Variants in PTPRN2 observed in about 807,000 individuals in gnomAD.
PTPRN2 encodes the protein receptor-type tyrosine-protein phosphatase N2.
In PTPRN2, 74 loss-of-function variants were observed where a neutral mutation model predicts 118.8. The ratio of observed to expected loss-of-function variants is 0.62; its 90% confidence interval spans 0.52 to 0.76. The LOEUF is 0.76. PTPRN2 is among the 30% of genes least tolerant of loss of function. The pLI, the probability that PTPRN2 is intolerant of heterozygous loss-of-function variation, is 0.00. For missense variants in PTPRN2, 1,481 were observed against 1,394.4 expected, an observed-to-expected ratio of 1.06 and a Z score of -0.99; for synonymous variants, 641 against 608.0, an observed-to-expected ratio of 1.05 and a Z score of -0.80.
intron 10 of PTPRN2, among the ~76,000 whole-genome samples, chr7:158,098,248 T>C (rs1814813679): frequency 6.6e-6 from 1 of 152,180 alleles, no homozygotes; most frequent in East Asian, 1.9e-4. Context: ...AGAATCAGGC[T>C]TCAGCTCCGC....
intron 2 of PTPRN2, among the ~76,000 whole-genome samples, chr7:158,356,299 A>G (rs1360336114): frequency 6.6e-6 from 1 of 152,208 alleles, no homozygotes; most frequent in East Asian, 1.9e-4. Flanking sequence ...TTATTTATAA[A>G]GCCCCACTCA....
chr7:157,954,181 G>A (rs1280298240), intron 11 of PTPRN2, among the ~76,000 whole-genome samples: 1 of 84,112 alleles, frequency 1.2e-5, no homozygotes, highest in Non-Finnish European at 2.7e-5. Context: ...TGTGTGGTGT[G>A]TGTGGTACAT....
intron 3 of PTPRN2, among the ~76,000 whole-genome samples, chr7:158,213,206 T>C (rs369615778): frequency 2.6e-4 from 36 of 140,428 alleles, no homozygotes; most frequent in Admixed American, 1.0e-3. Flanking sequence ...GGCTCTGTGC[T>C]TGTGTGTGTG....
intron 3 of PTPRN2, among the ~76,000 whole-genome samples, chr7:158,275,705 G>GT (rs1472418389): frequency 6.6e-6 from 1 of 152,182 alleles, no homozygotes; most frequent in Non-Finnish European, 1.5e-5. Flanking sequence ...TGTGGGGTGG[G>GT]TTTGCCAGGG....
At chr7:158,582,973 CAGT>C (rs1166762355) in intron 1 of PTPRN2, among the ~76,000 whole-genome samples, 1 of 152,070 alleles carries the variant, frequency 6.6e-6, no homozygotes, top group Non-Finnish European at 1.5e-5. Flanking sequence ...CTCCAAGAGG[CAGT>C]AGTCATGGCT....
Position 158,054,803 on chromosome 7 carries a change from G to A in PTPRN2, c.1723+26495C>T, listed in dbSNP as rs539587519. On this transcript the variant is annotated intron_variant, in intron 11 of 22. Coordinates refer to ENST00000389418, the MANE Select transcript of PTPRN2 (RefSeq NM_002847.5). ...GATTGCAGCTGATGTGCCTGGGGGC[G>A]CGGGCACCATTAATTCCTGTATCTT... 1.2e-4 allele frequency among the ~76,000 whole-genome samples: 18 copies of A among 152,372 alleles called. No homozygotes were observed. In the South Asian group the frequency reaches 1.2e-3, roughly 11 times the overall value.
chr7:158,115,110 T>G lies in PTPRN2; in HGVS notation c.1557-4195A>C, dbSNP rs182781958. The stretch of plus-strand genomic sequence containing the variant: ...GGAGTCCAGGAGCTCAAGGCTGCAA[T>G]GAGCTATGATTGCACCTGTGAATAA... On this transcript the variant is annotated intron_variant, in intron 9 of 22. Transcript: ENST00000389418. 3.7e-4 allele frequency among the ~76,000 whole-genome samples: 57 copies of G among 152,236 alleles called. 1 individual carries two copies. Among genetic ancestry groups the G allele is most frequent in the Non-Finnish European group, 8.1e-4 (55 of 68,034 alleles).
intron 12 of PTPRN2, chr7:157,863,613 C>A (rs1012519257): frequency 6.6e-6 from 1 of 152,220 alleles, no homozygotes; most frequent in African/African-American, 2.4e-5. Flanking sequence ...GGTTCACTGG[C>A]CCTGTGATGG....
chr7:158,102,858 G>A (rs1438821699), intron 10 of PTPRN2, among the ~76,000 whole-genome samples: 1 of 152,186 alleles, frequency 6.6e-6, no homozygotes, highest in Non-Finnish European at 1.5e-5. Flanking sequence ...CACGGCTAAT[G>A]TTCTGGGGGC....
chr7:158,317,815 G>C (rs1040084858), intron 2 of PTPRN2, among the ~76,000 whole-genome samples: 2 of 152,334 alleles, frequency 1.3e-5, no homozygotes, highest in East Asian at 3.9e-4. Flanking sequence ...GTAATTAGCA[G>C]AAACACATTT....
rs1047826928 is a variant in PTPRN2, at chr7:157,874,715, GCA to G, written c.1788+23956_1788+23957del. On this transcript the variant is annotated intron_variant, in intron 12 of 22. Transcript: ENST00000389418. This position sits in a 1 kb window ranked among gnomAD's most constrained non-coding sequence, Gnocchi z 5.8. ...GTAACCCAAGCAGACACACACTCAT[GCA>G]CACACACACAGAGACACACTCATGC... Among the ~76,000 whole-genome samples, 2 of 151,590 alleles carry G rather than the reference GCA, an allele frequency of 1.3e-5. No individual in the cohort carries two copies. Among genetic ancestry groups the G allele is most frequent in the African/African-American group, 4.8e-5 (2 of 41,298 alleles).
chr7:157,843,315 C>T (rs770141452), intron 12 of PTPRN2, among the ~76,000 whole-genome samples: 1 of 152,174 alleles, frequency 6.6e-6, no homozygotes, highest in Non-Finnish European at 1.5e-5. Context: ...TCTTCAAAAG[C>T]AAGCATTTGA....
At chr7:157,642,834 A>AAAAAAC (rs1804772425) in intron 14 of PTPRN2, among the ~76,000 whole-genome samples, 1 of 144,836 alleles carries the variant, frequency 6.9e-6, no homozygotes, top group East Asian at 2.0e-4. Flanking sequence ...AAAAAAAAAA[A>AAAAAAC]AAAAAAAAAA....
chr7:158,225,367 C>A (rs927820604), intron 3 of PTPRN2, among the ~76,000 whole-genome samples: 34 of 151,990 alleles, frequency 2.2e-4, no homozygotes, highest in African/African-American at 8.2e-4. Context: ...CACCTCTGCA[C>A]CACGGAGCAC....
chr7:158,152,023 A>T (rs1821232082), intron 6 of PTPRN2, among the ~76,000 whole-genome samples: 1 of 152,032 alleles, frequency 6.6e-6, no homozygotes, highest in Non-Finnish European at 1.5e-5. Context: ...AATACAAAAA[A>T]ATTAGCCGGG....
chr7:158,363,350 G>T (rs946417063), intron 2 of PTPRN2, among the ~76,000 whole-genome samples: 4 of 152,108 alleles, frequency 2.6e-5, no homozygotes, highest in African/African-American at 9.7e-5. Context: ...GCTTGGGGAG[G>T]CCGCCTCCTC....
intron 8 of PTPRN2, among the ~76,000 whole-genome samples, chr7:158,136,318 G>C (rs1029878909): frequency 2.6e-5 from 4 of 152,216 alleles, no homozygotes; most frequent in Non-Finnish European, 5.9e-5. Flanking sequence ...ACATGCAGGA[G>C]GCATCAAATG....
At chr7:158,283,259 CTATGTGGGAAATGAACCGAGG>C (rs1223308715) in intron 3 of PTPRN2, among the ~76,000 whole-genome samples, 1 of 152,242 alleles carries the variant, frequency 6.6e-6, no homozygotes, top group African/African-American at 2.4e-5. Flanking sequence ...AAACAAACTC[CTATGTGGGAAATGAACCGAGG>C]CTGTGAGCCT....
intron 2 of PTPRN2, among the ~76,000 whole-genome samples, chr7:158,367,171 C>T (rs757162589): frequency 5.9e-5 from 9 of 152,190 alleles, no homozygotes; most frequent in Non-Finnish European, 1.0e-4. Context: ...CCCCAGTGCT[C>T]GGAAGCATCT....
Sources: gnomAD v4.1 joint callset for allele counts (sites outside exome capture counted in the v4.1 genomes callset) on GRCh38, gnomAD v4.1.1 for gene constraint, Gnocchi (gnomAD v3.1) non-coding constraint, MANE v1.5 for transcripts, NCBI Gene and HGNC (gene_info 2026-07-23, HGNC 2026-07-21) for gene names.